PLXDC2: variants seen among roughly 807,000 people sequenced by gnomAD.
PLXDC2 encodes plexin domain containing 2.
PLXDC2 carries 40 observed loss-of-function variants against 68.9 expected under a neutral mutation model. The ratio of observed to expected loss-of-function variants is 0.58; its 90% CI spans 0.45 to 0.76. PLXDC2 has a LOEUF of 0.76. Among genes scored for constraint, PLXDC2 ranks in the 30% least tolerant of loss-of-function variants. The pLI is 0.00. For synonymous variants in PLXDC2, 243 were observed against 234.2 expected (o/e 1.04, Z -0.34); for missense variants, 644 against 661.9 (o/e 0.97, Z 0.30).
At chr10:19,819,329 G>A (rs532533576) in intron 1 of PLXDC2, among the ~76,000 whole-genome samples, 151 of 152,180 alleles carry the variant, frequency 9.9e-4, no homozygotes, top group Non-Finnish European at 1.8e-3. Context: ...ATAAACAGAA[G>A]TAGCTTCTTT....
At chr10:20,226,518 C>G (rs1203446552) in intron 12 of PLXDC2, among the ~76,000 whole-genome samples, 1 of 152,082 alleles carries the variant, frequency 6.6e-6, no homozygotes, top group Admixed American at 6.5e-5. Flanking sequence ...ACTTTTGACC[C>G]AGAAAGGTTG....
chr10:19,944,002 G>C (rs186216037), intron 1 of PLXDC2, among the ~76,000 whole-genome samples: 3 of 152,104 alleles, frequency 2.0e-5, no homozygotes, highest in Non-Finnish European at 2.9e-5. Context: ...CTAAAAACTC[G>C]TGGGCTAATT....
intron 6 of PLXDC2, among the ~76,000 whole-genome samples, chr10:20,162,909 CAAAAAAAAAA>C (rs71390763): frequency 1.0e-5 from 1 of 98,058 alleles, no homozygotes; most frequent in African/African-American, 4.1e-5. Context: ...ACTAAAAATA[CAAAAAAAAAA>C]AAAAAAAAAA....
chr10:20,135,986 A>C (rs1490205238), intron 4 of PLXDC2, among the ~76,000 whole-genome samples: 2 of 152,222 alleles, frequency 1.3e-5, no homozygotes, highest in Non-Finnish European at 2.9e-5. Flanking sequence ...TTTAATATAA[A>C]AATCCCTTCA....
At chr10:20,092,145 G>T (rs758288376) in intron 4 of PLXDC2, among the ~76,000 whole-genome samples, 27 of 152,312 alleles carry the variant, frequency 1.8e-4, no homozygotes, top group South Asian at 4.1e-4. Flanking sequence ...AAGGATCACA[G>T]TCCTTTCACA....
At position 20,280,106 on chromosome 10, in the gene PLXDC2, A is replaced by G. The variant is rs1260740701; in HGVS notation, c.*287A>G. ...GTGGACTTATCTGAAGTATGACAAG[A>G]TTATAATGCTTTTGGCTTAGGTGCA... On this transcript the variant is annotated 3_prime_UTR_variant, in exon 14 of 14. Transcript: ENST00000377252. 1 of 293,126 alleles carries G rather than the reference A, an allele frequency of 3.4e-6. No individual in the cohort carries two copies. Among genetic ancestry groups the G allele is most frequent in the African/African-American group, 2.2e-5 (1 of 46,030 alleles). 18.2% of individuals were successfully genotyped at this position (293,126 alleles called of 1,614,324 possible). A position where few individuals can be genotyped will look rare whatever the true frequency, so the allele number is the denominator to read the frequency against.
intron 1 of PLXDC2, among the ~76,000 whole-genome samples, chr10:19,955,433 A>G (rs1274863607): frequency 2.0e-5 from 3 of 151,768 alleles, no homozygotes; most frequent in Non-Finnish European, 4.4e-5. Flanking sequence ...TCCCCTTTTC[A>G]TCACCTTTCT....
At chr10:19,978,453 T>C (rs1374061278) in intron 1 of PLXDC2, among the ~76,000 whole-genome samples, 1 of 152,186 alleles carries the variant, frequency 6.6e-6, no homozygotes, top group African/African-American at 2.4e-5. Flanking sequence ...GTAAAGAGTG[T>C]TGTGTTAAAA....
intron 10 of PLXDC2, among the ~76,000 whole-genome samples, chr10:20,215,291 T>A (rs991084907): frequency 6.6e-6 from 1 of 151,978 alleles, no homozygotes; most frequent in Non-Finnish European, 1.5e-5. Context: ...AAGGAGATAT[T>A]TAGAAACATT....
At chr10:20,189,703 T>G (rs780902507) in intron 9 of PLXDC2, among the ~76,000 whole-genome samples, 1 of 151,140 alleles carries the variant, frequency 6.6e-6, no homozygotes, top group Non-Finnish European at 1.5e-5. Flanking sequence ...CTTGACTTAC[T>G]AGATGTGGGA....
At chr10:19,981,824 G>C (rs1339161467) in intron 1 of PLXDC2, among the ~76,000 whole-genome samples, 1 of 152,178 alleles carries the variant, frequency 6.6e-6, no homozygotes, top group African/African-American at 2.4e-5. Flanking sequence ...GGCACTGATC[G>C]TAAGGACCCA....
In PLXDC2 at chr10:19,996,849, G is replaced by A. The variant is rs140561483; in HGVS notation, c.113-4926G>A. Among the ~76,000 whole-genome samples the A allele has an allele frequency of 1.2e-4, 18 of 152,176 alleles. No homozygotes were observed. The South Asian group carries it at 2.7e-3, about 23-fold the overall frequency. On this transcript the variant is annotated intron_variant, in intron 1 of 13. Coordinates refer to ENST00000377252, the MANE Select transcript of PLXDC2 (RefSeq NM_032812.9). The stretch of plus-strand genomic sequence containing the variant: ...AGGCAAAGAGAGAGAGGTTGTGCAG[G>A]GAAACTTCCCCTTATAGAACCATCA...
chr10:20,108,534 A>C (rs187268881), intron 4 of PLXDC2, among the ~76,000 whole-genome samples: 12 of 152,294 alleles, frequency 7.9e-5, no homozygotes, highest in Non-Finnish European at 1.6e-4. Flanking sequence ...GAGATGAGAA[A>C]ATTGTTAGTG....
At chr10:19,921,355 A>C (rs1370577899) in intron 1 of PLXDC2, among the ~76,000 whole-genome samples, 1 of 152,186 alleles carries the variant, frequency 6.6e-6, no homozygotes, top group Non-Finnish European at 1.5e-5. Flanking sequence ...TAGAGGATAT[A>C]TGATTTTGTA....
At chr10:19,820,884 C>A (rs1027411682) in intron 1 of PLXDC2, among the ~76,000 whole-genome samples, 4 of 152,098 alleles carry the variant, frequency 2.6e-5, no homozygotes, top group Non-Finnish European at 5.9e-5. Context: ...TCCAGACCAG[C>A]CTGGCCAGCA....
At chr10:20,082,151 G>A (rs1836578777) in intron 4 of PLXDC2, among the ~76,000 whole-genome samples, 1 of 149,920 alleles carries the variant, frequency 6.7e-6, no homozygotes. Context: ...ATGTCATATT[G>A]TGGATATAAT....
chr10:20,021,653 T>C (rs1473992484), intron 2 of PLXDC2, among the ~76,000 whole-genome samples: 1 of 151,406 alleles, frequency 6.6e-6, no homozygotes. Flanking sequence ...ATTCTGATCT[T>C]TCTCCTCCAG....
chr10:20,193,631 T>G (rs942702115), intron 9 of PLXDC2, among the ~76,000 whole-genome samples: 1 of 152,084 alleles, frequency 6.6e-6, no homozygotes, highest in Non-Finnish European at 1.5e-5. Flanking sequence ...ATTTTTCGTC[T>G]GGATAAAAGG....
intron 1 of PLXDC2, among the ~76,000 whole-genome samples, chr10:19,845,109 C>T (rs1836983266): frequency 6.6e-6 from 1 of 152,104 alleles, no homozygotes; most frequent in Non-Finnish European, 1.5e-5. Flanking sequence ...GAGTTGCCCA[C>T]CCCCAACCTG....
Sources: gnomAD v4.1 joint callset for allele counts (sites outside exome capture counted in the v4.1 genomes callset) on GRCh38, gnomAD v4.1.1 for gene constraint, MANE v1.5 for transcripts, NCBI Gene and HGNC (gene_info 2026-07-23, HGNC 2026-07-21) for gene names.